KCNK2: variants seen among roughly 807,000 people sequenced by gnomAD.
KCNK2 encodes the protein potassium channel subfamily K member 2.
A neutral mutation model predicts 40.5 loss-of-function variants in KCNK2; 21 were observed. The ratio of observed to expected loss-of-function variants is 0.52; its 90% CI spans 0.37 to 0.75. The LOEUF is 0.75. KCNK2 is among the 30% of genes least tolerant of loss of function. The pLI is 0.00. For synonymous variants in KCNK2, 191 were observed against 202.2 expected (o/e 0.94, Z 0.47); for missense variants, 399 against 531.6 (o/e 0.75, Z 2.45).
chr1:215,093,764 A>ATTAT (rs1417232290), intron 2 of KCNK2, among the ~76,000 whole-genome samples: 1 of 36,914 alleles, frequency 2.7e-5, no homozygotes, highest in South Asian at 6.7e-4. Context: ...TATATTATAT[A>ATTAT]ATATAAAATA....
chr1:215,205,149 G>T (rs1243591728), intron 6 of KCNK2, among the ~76,000 whole-genome samples: 2 of 152,102 alleles, frequency 1.3e-5, no homozygotes, highest in African/African-American at 4.8e-5. Context: ...ATACATATTA[G>T]GATTGTTACT....
At chr1:215,124,809 T>C in intron 3 of KCNK2, 59 bp downstream of exon 3, 1 of 1,032,734 alleles carries the variant, frequency 9.7e-7, no homozygotes, top group South Asian at 1.3e-5. Context: ...TAAAATCCAT[T>C]TGTTTGAATT....
At chr1:215,232,496 G>A (rs1376711810) in intron 6 of KCNK2, among the ~76,000 whole-genome samples, 7 of 152,156 alleles carry the variant, frequency 4.6e-5, no homozygotes, top group African/African-American at 1.7e-4. Flanking sequence ...TGTGTTATGA[G>A]ATTACAGAGT....
At chr1:215,104,902 C>A in intron 2 of KCNK2, among the ~76,000 whole-genome samples, 1 of 151,750 alleles carries the variant, frequency 6.6e-6, no homozygotes, top group East Asian at 1.9e-4. Flanking sequence ...CTTTCATAAC[C>A]TGATTATCTC....
At chr1:215,157,462 A>G (rs373481094) in intron 3 of KCNK2, among the ~76,000 whole-genome samples, 7 of 152,318 alleles carry the variant, frequency 4.6e-5, no homozygotes, top group South Asian at 2.1e-4. Flanking sequence ...ATTAATCTGC[A>G]ATCTTCTCTA....
At chr1:215,023,283 TGGGCTCA>T (rs1170276722) in intron 1 of KCNK2, among the ~76,000 whole-genome samples, 1 of 152,174 alleles carries the variant, frequency 6.6e-6, no homozygotes, top group East Asian at 1.9e-4. Flanking sequence ...ATAAGCTCTT[TGGGCTCA>T]GGCCAGCCCT....
intron 1 of KCNK2, among the ~76,000 whole-genome samples, chr1:215,060,315 C>G (rs1387858795): frequency 6.6e-6 from 1 of 152,160 alleles, no homozygotes. Context: ...GCTGATACTT[C>G]AGAGGCATCA....
At chr1:215,137,095 A>G (rs551394477) in intron 3 of KCNK2, among the ~76,000 whole-genome samples, 2 of 152,314 alleles carry the variant, frequency 1.3e-5, no homozygotes, top group Admixed American at 1.3e-4. Context: ...TTGTCTCAAA[A>G]TAAAAATGAA....
intron 3 of KCNK2, among the ~76,000 whole-genome samples, chr1:215,138,733 T>G (rs1441303472): frequency 6.6e-6 from 1 of 152,198 alleles, no homozygotes; most frequent in Non-Finnish European, 1.5e-5. Flanking sequence ...ATTGTTATGA[T>G]AAAGCCACTC....
intron 3 of KCNK2, among the ~76,000 whole-genome samples, chr1:215,132,510 C>A (rs1020494932): frequency 6.6e-6 from 1 of 152,186 alleles, no homozygotes; most frequent in East Asian, 1.9e-4. Context: ...CCAGTTCCTA[C>A]TCTACAATCT....
intron 1 of KCNK2, among the ~76,000 whole-genome samples, chr1:215,041,133 A>G (rs781761091): frequency 6.6e-6 from 1 of 152,094 alleles, no homozygotes. Flanking sequence ...TCAAACACTC[A>G]CTTAGAAGAT....
intron 1 of KCNK2, among the ~76,000 whole-genome samples, chr1:215,051,384 A>G (rs962737542): frequency 1.3e-5 from 2 of 152,180 alleles, no homozygotes; most frequent in African/African-American, 4.8e-5. Context: ...CTCAGACACA[A>G]TTACAGAGCT....
chr1:215,205,306 C>T (rs1312195817), intron 6 of KCNK2, among the ~76,000 whole-genome samples: 4 of 152,046 alleles, frequency 2.6e-5, no homozygotes, highest in Non-Finnish European at 5.9e-5. Flanking sequence ...GGCATGATCT[C>T]GGCTCACTGC....
intron 2 of KCNK2, among the ~76,000 whole-genome samples, chr1:215,093,277 G>A (rs1472519369): frequency 6.8e-6 from 1 of 147,186 alleles, no homozygotes; most frequent in African/African-American, 2.5e-5. Context: ...ACCTCCAAAG[G>A]TTTTATTATT....
chr1:215,092,366 T>G (rs563271929), intron 2 of KCNK2, among the ~76,000 whole-genome samples: 53 of 152,148 alleles, frequency 3.5e-4, no homozygotes, highest in African/African-American at 1.2e-3. Flanking sequence ...GAGCTTAGCT[T>G]TGGACATTGC....
At chr1:215,012,367 T>G (rs878948911) in intron 1 of KCNK2, among the ~76,000 whole-genome samples, 2 of 152,324 alleles carry the variant, frequency 1.3e-5, no homozygotes, top group Non-Finnish European at 2.9e-5. Flanking sequence ...AATAGGTGTA[T>G]AGTGGAATCT....
At chr1:215,037,019 CCTTATTGTA>C (rs1657410969) in intron 1 of KCNK2, among the ~76,000 whole-genome samples, 1 of 24,970 alleles carries the variant, frequency 4.0e-5, no homozygotes, top group African/African-American at 1.5e-4. Context: ...TTTTTTTTTG[CCTTATTGTA>C]CTTGCTAAAA....
chr1:215,130,058 A>G (rs527898137), intron 3 of KCNK2, among the ~76,000 whole-genome samples: 1 of 152,286 alleles, frequency 6.6e-6, no homozygotes, highest in Non-Finnish European at 1.5e-5. Flanking sequence ...GTGGGCTGCT[A>G]GATAGCTTCA....
At chr1:215,177,708 CTATATATATATGTG>C (rs1234370871) in intron 5 of KCNK2, among the ~76,000 whole-genome samples, 2 of 121,926 alleles carry the variant, frequency 1.6e-5, no homozygotes, top group Admixed American at 8.8e-5. Context: ...CTCCACTGGC[CTATATATATATGTG>C]TATATATATA....
Sources: allele counts gnomAD v4.1 joint callset (sites outside exome capture counted in the v4.1 genomes callset), GRCh38; gene constraint gnomAD v4.1.1; transcripts MANE v1.5; gene names NCBI Gene and HGNC (gene_info 2026-07-23, HGNC 2026-07-21).